The following LARS2 variants were observed in gnomAD, a reference collection of about 807,000 sequenced individuals.
LARS2 encodes the protein leucine--tRNA ligase, mitochondrial.
LARS2 carries 81 observed loss-of-function variants against 116.6 expected under a neutral mutation model. That is an observed-to-expected ratio of 0.69 (90% confidence interval 0.58 to 0.84). LARS2 has a LOEUF of 0.84. LARS2 is among the 40% of genes least tolerant of loss of function. LARS2 has a pLI of 0.00. For missense variants in LARS2, 968 were observed against 1,114.5 expected, an observed-to-expected ratio of 0.87 and a Z score of 1.87; for synonymous variants, 396 against 407.2, an observed-to-expected ratio of 0.97 and a Z score of 0.33.
At chr3:45,421,827 C>T (rs1006079437) in intron 6 of LARS2, 4 of 152,288 alleles carry the variant, frequency 2.6e-5, no homozygotes, top group African/African-American at 9.7e-5. Context: ...AGGACACTTA[C>T]ATTAACGTAC....
intron 11 of LARS2, among the ~76,000 whole-genome samples, chr3:45,487,077 G>T (rs1464344513): frequency 6.6e-6 from 1 of 152,164 alleles, no homozygotes; most frequent in East Asian, 1.9e-4. Context: ...TGCACTGTTA[G>T]AAATAGTTCA....
intron 13 of LARS2, among the ~76,000 whole-genome samples, chr3:45,492,344 A>G (rs1253245204): frequency 6.6e-6 from 1 of 152,182 alleles, no homozygotes; most frequent in East Asian, 1.9e-4. Context: ...TTTTCTGTCT[A>G]TTCACTGGCA....
chr3:45,459,050 G>C (rs955672115), intron 8 of LARS2, among the ~76,000 whole-genome samples, 164 bp downstream of exon 8: 8 of 152,180 alleles, frequency 5.3e-5, no homozygotes, highest in Admixed American at 3.9e-4. Flanking sequence ...CACTCACTTA[G>C]CTGGTGATGG....
chr3:45,546,089 C>T (rs1700872535), intron 21 of LARS2, among the ~76,000 whole-genome samples: 1 of 152,168 alleles, frequency 6.6e-6, no homozygotes, highest in Non-Finnish European at 1.5e-5. Context: ...TAGGTGGTGG[C>T]CCAGAGGAGA....
intron 6 of LARS2, among the ~76,000 whole-genome samples, chr3:45,428,678 C>A (rs1698640543): frequency 6.6e-6 from 1 of 152,210 alleles, no homozygotes; most frequent in Non-Finnish European, 1.5e-5. Flanking sequence ...AATGGAATAA[C>A]ATAGTATGTG....
rs148387057 is a variant in LARS2, at chr3:45,432,714, T to C, written c.516+12985T>C. ...GTCAAATAAACAACTTTACCACTTA[T>C]GGAACTACAAAGAGAAGAACAAAGT... On this transcript the variant is annotated intron_variant, in intron 6 of 21. Transcript: ENST00000645846. 3.1e-3 allele frequency among the ~76,000 whole-genome samples: 469 copies of C among 152,004 alleles called. 4 individuals carry two copies. The highest frequency in any genetic ancestry group is 0.011 in the African/African-American group (446 of 41,506).
intron 6 of LARS2, among the ~76,000 whole-genome samples, chr3:45,423,036 T>C (rs997606112): frequency 6.6e-6 from 1 of 152,240 alleles, no homozygotes; most frequent in African/African-American, 2.4e-5. Context: ...TTTTTAATGA[T>C]GTCTTGCCTT....
chr3:45,475,326 C>T (rs1053715945), intron 9 of LARS2, among the ~76,000 whole-genome samples: 3 of 152,222 alleles, frequency 2.0e-5, no homozygotes, highest in Non-Finnish European at 4.4e-5. Flanking sequence ...CTTACTCCAA[C>T]TGCAAACATG....
At chr3:45,395,007 G>A (rs1698021713) in intron 3 of LARS2, among the ~76,000 whole-genome samples, 1 of 152,150 alleles carries the variant, frequency 6.6e-6, no homozygotes, top group Non-Finnish European at 1.5e-5. Flanking sequence ...CAAACCAGGT[G>A]TTCTAGAGCA....
chr3:45,417,092 A>AC (rs1698436064), intron 4 of LARS2, among the ~76,000 whole-genome samples: 6 of 151,332 alleles, frequency 4.0e-5, no homozygotes, highest in Admixed American at 3.9e-4. Flanking sequence ...AAAAACAAAA[A>AC]AAAAAACTGA....
At chr3:45,527,982 C>T (rs1700555695) in intron 20 of LARS2, among the ~76,000 whole-genome samples, 1 of 152,124 alleles carries the variant, frequency 6.6e-6, no homozygotes, top group Non-Finnish European at 1.5e-5. Context: ...AATAAAAATC[C>T]CCTAACCATC....
chr3:45,402,343 T>C (rs1698167956), intron 4 of LARS2, among the ~76,000 whole-genome samples: 1 of 152,200 alleles, frequency 6.6e-6, no homozygotes, highest in South Asian at 2.1e-4. Flanking sequence ...CCCAATGTTG[T>C]GTTTATTAGT....
At chr3:45,395,208 C>T (rs367665199) in intron 3 of LARS2, among the ~76,000 whole-genome samples, 5 of 152,246 alleles carry the variant, frequency 3.3e-5, no homozygotes, top group East Asian at 1.9e-4. Flanking sequence ...TCGTAGCCTC[C>T]AACTCTGTTC....
intron 20 of LARS2, among the ~76,000 whole-genome samples, chr3:45,529,702 G>T (rs1700585877): frequency 6.6e-6 from 1 of 152,128 alleles, no homozygotes. Flanking sequence ...AAATTCTCTG[G>T]GTCTTCTGTG....
chr3:45,513,406 A>C (rs372743134), intron 16 of LARS2, among the ~76,000 whole-genome samples, 171 bp downstream of exon 16: 56 of 152,360 alleles, frequency 3.7e-4, no homozygotes, highest in African/African-American at 1.3e-3. Context: ...CGCCCCCTGA[A>C]GCCTGGTCCT....
At chr3:45,503,065 T>A (rs1220199457) in intron 15 of LARS2, among the ~76,000 whole-genome samples, 1 of 151,296 alleles carries the variant, frequency 6.6e-6, no homozygotes, top group Admixed American at 6.6e-5. Context: ...CTTTTTTTTT[T>A]GTAGGAACTC....
Position 45,510,413 on chromosome 3 carries a change from C to CA in LARS2, c.1761-2713dup, listed in dbSNP as rs34214238. On this transcript the variant is annotated intron_variant, in intron 15 of 21. Transcript: ENST00000645846. The stretch of plus-strand genomic sequence containing the variant: ...TGGGTGACAGAACAAGACCCTGTCT[C>CA]AAAAAAAAATCATCCTCCTACTCCT... Among the ~76,000 whole-genome samples, 9 of 151,150 alleles carry CA rather than the reference C, an allele frequency of 6.0e-5. No homozygotes were observed. The East Asian group carries it at 1.4e-3, about 23-fold the overall frequency.
At chr3:45,529,726 A>C (rs1183800489) in intron 20 of LARS2, among the ~76,000 whole-genome samples, 1 of 152,246 alleles carries the variant, frequency 6.6e-6, no homozygotes, top group East Asian at 1.9e-4. Flanking sequence ...ATGCCTGAAC[A>C]GAAACATGAG....
chr3:45,396,824 T>C (rs959560152), intron 3 of LARS2, among the ~76,000 whole-genome samples: 13 of 152,232 alleles, frequency 8.5e-5, no homozygotes, highest in Admixed American at 7.2e-4. Flanking sequence ...GGATTCAAAA[T>C]CAAATGTGTG....
Sources: allele counts gnomAD v4.1 joint callset (sites outside exome capture counted in the v4.1 genomes callset), GRCh38; gene constraint gnomAD v4.1.1; transcripts MANE v1.5; gene names NCBI Gene and HGNC (gene_info 2026-07-23, HGNC 2026-07-21).